The following DGAT2 variants were observed in gnomAD, a reference collection of about 807,000 sequenced individuals.
The protein encoded by DGAT2 is acyl-CoA retinol O-fatty-acyltransferase.
Under a neutral mutation model 48.4 loss-of-function variants are expected in DGAT2, and 33 were observed. The observed-to-expected ratio is 0.68, with a 90% CI of 0.52 to 0.91. The LOEUF is 0.91. Ranked by LOEUF, DGAT2 falls within the 40% of genes least tolerant of loss-of-function variation. The probability of loss-of-function intolerance (pLI) is 0.00; values close to 1 mark genes in which losing one functional copy is unlikely to be tolerated. For missense variants in DGAT2, 446 were observed against 493.7 expected, an observed-to-expected ratio of 0.90 and a Z score of 0.92; for synonymous variants, 191 against 194.1, an observed-to-expected ratio of 0.98 and a Z score of 0.13.
At position 75,768,779 on chromosome 11, in the gene DGAT2, C is replaced by T. The variant is rs953484490; in HGVS notation, c.-213C>T. ...AGTGTTGCGCTCCGGGACGCCAGCG[C>T]CGCGGCTGCCGCCTCTGCTGGGGTC... On this transcript the variant is annotated 5_prime_UTR_variant, in exon 1 of 8. Transcript: ENST00000228027. 4 of 487,442 alleles carry T rather than the reference C, an allele frequency of 8.2e-6. No individual in the cohort carries two copies. The highest frequency in any genetic ancestry group is 4.5e-5 in the Admixed American group (1 of 22,410). 30.2% of individuals were successfully genotyped at this position (487,442 alleles called of 1,614,324 possible).
At position 75,800,854 on chromosome 11, in the gene DGAT2, C is replaced by T. The variant is rs1945105948; in HGVS notation, c.*346C>T. ...ACCAGTTAGATGATTCACTTTTTGCCCCTAGGGATGAGAGGCGAAAGCCAC... is the reference window on the plus strand; with the variant it reads ...ACCAGTTAGATGATTCACTTTTTGCTCCTAGGGATGAGAGGCGAAAGCCAC... On this transcript the variant is annotated 3_prime_UTR_variant, in exon 8 of 8. Transcript: ENST00000228027. 3 of 243,512 alleles carry T rather than the reference C, an allele frequency of 1.2e-5. No homozygotes were observed. The highest frequency in any genetic ancestry group is 1.6e-5 in the Non-Finnish European group (2 of 124,138). 15.1% of individuals were successfully genotyped at this position (243,512 alleles called of 1,614,324 possible).
At chr11:75,772,204 G>T (rs990839550) in intron 1 of DGAT2, among the ~76,000 whole-genome samples, 1 of 152,156 alleles carries the variant, frequency 6.6e-6, no homozygotes, top group Non-Finnish European at 1.5e-5. Flanking sequence ...TTTTGAGGAA[G>T]CTCCCCAAGC....
chr11:75,779,512 C>T lies in DGAT2; in HGVS notation c.122-5106C>T, dbSNP rs558034834. Among the ~76,000 whole-genome samples, 4 of 152,298 alleles carry T rather than the reference C, an allele frequency of 2.6e-5. No homozygotes were observed. In the South Asian group the frequency reaches 6.2e-4, roughly 24 times the overall value. On this transcript the variant is annotated intron_variant, in intron 1 of 7. Transcript: ENST00000228027. ...GCCAGTTCTCCCCTTGCCTACCTTCCCAGAGAGTGCTGTGGGACGGTGAAG... is the reference window on the plus strand; with the variant it reads ...GCCAGTTCTCCCCTTGCCTACCTTCTCAGAGAGTGCTGTGGGACGGTGAAG...
rs1466555826 is a variant in DGAT2 at position 75,778,660 on chromosome 11, C to T, written c.122-5958C>T. Among the ~76,000 whole-genome samples, 8 of 151,984 alleles carry T rather than the reference C, an allele frequency of 5.3e-5. No homozygotes were observed. In the South Asian group the frequency reaches 1.7e-3, roughly 32 times the overall value. The stretch of plus-strand genomic sequence containing the variant: ...CCATCCTGGCTAACATGGTGAAACC[C>T]CATCTCTACCAAAAATACAAATAAT... On this transcript the variant is annotated intron_variant, in intron 1 of 7. Coordinates refer to ENST00000228027, the MANE Select transcript of DGAT2 (RefSeq NM_032564.5).
chr11:75,795,057 C>T (rs1414698551), intron 4 of DGAT2: 1 of 151,602 alleles, frequency 6.6e-6, no homozygotes, highest in Non-Finnish European at 1.5e-5. Flanking sequence ...TTTCTTCTCA[C>T]TCTGTCACTC....
intron 1 of DGAT2, among the ~76,000 whole-genome samples, chr11:75,772,190 A>T (rs1048634761): frequency 6.6e-5 from 10 of 152,142 alleles, no homozygotes; most frequent in African/African-American, 9.7e-5. Flanking sequence ...TCCCTTCTCA[A>T]ACTTTTTGAG....
chr11:75,786,214 C>T (rs1028563603), intron 2 of DGAT2, among the ~76,000 whole-genome samples: 5 of 152,214 alleles, frequency 3.3e-5, no homozygotes, highest in Non-Finnish European at 7.3e-5. Context: ...ACTCAGACCC[C>T]TAACATGGCT....
At chr11:75,775,239 G>T (rs144389318) in intron 1 of DGAT2, among the ~76,000 whole-genome samples, 36 of 152,308 alleles carry the variant, frequency 2.4e-4, no homozygotes, top group Non-Finnish European at 3.4e-4. Flanking sequence ...GAGAGGGGAG[G>T]AAGAGGCTTA....
At chr11:75,773,907 A>C (rs942946257) in intron 1 of DGAT2, 1 of 152,324 alleles carries the variant, frequency 6.6e-6, no homozygotes, top group African/African-American at 2.4e-5. Flanking sequence ...ATGAATAGAC[A>C]TCAGCAAGAC....
chr11:75,776,631 T>G (rs1196831271), intron 1 of DGAT2: 1 of 152,226 alleles, frequency 6.6e-6, no homozygotes, highest in Non-Finnish European at 1.5e-5. Flanking sequence ...AGTCTCTGGC[T>G]GAGCACATGG....
At chr11:75,799,474 A>G (rs1945089184) in intron 7 of DGAT2, among the ~76,000 whole-genome samples, 1 of 152,142 alleles carries the variant, frequency 6.6e-6, no homozygotes, top group Non-Finnish European at 1.5e-5. Context: ...ATGATTTGGG[A>G]AAAATTTCAG....
intron 2 of DGAT2, among the ~76,000 whole-genome samples, chr11:75,789,700 C>G (rs1472177051): frequency 6.6e-6 from 1 of 152,152 alleles, no homozygotes; most frequent in African/African-American, 2.4e-5. Context: ...CAAGTTATCT[C>G]CCCCTTGAGC....
rs541510546 is a variant in DGAT2, at chr11:75,782,298, TA to T, written c.122-2317del. On this transcript the variant is annotated intron_variant, in intron 1 of 7. Transcript: ENST00000228027. ...TGTTAAAATGCAGATTTTGATTCAG[TA>T]AATCCAGTCTGGAGCCCAAAGTCCT... Among the ~76,000 whole-genome samples, 516 of 152,350 alleles carry T rather than the reference TA, an allele frequency of 3.4e-3. 3 individuals carry two copies. The highest frequency in any genetic ancestry group is 0.012 in the African/African-American group (490 of 41,582).
At chr11:75,777,237 C>G (rs1944811784) in intron 1 of DGAT2, among the ~76,000 whole-genome samples, 1 of 151,384 alleles carries the variant, frequency 6.6e-6, no homozygotes, top group South Asian at 2.1e-4. Context: ...GACATTCTGG[C>G]CCTTTTCCCT....
rs554935679 is a variant in DGAT2 at position 75,774,321 on chromosome 11, C to T, written c.121+5209C>T. Among the ~76,000 whole-genome samples, 16 of 152,356 alleles carry T rather than the reference C, an allele frequency of 1.1e-4. No homozygotes were observed. The Middle Eastern group carries it at 0.01, about 97-fold the overall frequency. ...CAGCAAGCCACTACCCTTCCTTACC[C>T]TCAGTCTCCTCATCTATGAAATGAG... On this transcript the variant is annotated intron_variant, in intron 1 of 7. Coordinates refer to ENST00000228027, the MANE Select transcript of DGAT2 (RefSeq NM_032564.5).
intron 1 of DGAT2, among the ~76,000 whole-genome samples, chr11:75,771,723 C>T (rs1565312320): frequency 6.6e-6 from 1 of 152,130 alleles, no homozygotes; most frequent in Non-Finnish European, 1.5e-5. Context: ...TTCCGTGTGG[C>T]TTCCCCCCTC....
chr11:75,779,598 C>G (rs1215516028), intron 1 of DGAT2, among the ~76,000 whole-genome samples: 1 of 152,080 alleles, frequency 6.6e-6, no homozygotes, highest in Non-Finnish European at 1.5e-5. Context: ...TGCTCTGGGC[C>G]TCTCTGGCAG....
chr11:75,784,187 A>T (rs1944896853), intron 1 of DGAT2, among the ~76,000 whole-genome samples: 1 of 152,144 alleles, frequency 6.6e-6, no homozygotes, highest in South Asian at 2.1e-4. Context: ...TGCAAATTGG[A>T]TGTTGAACCT....
intron 4 of DGAT2, among the ~76,000 whole-genome samples, chr11:75,791,473 G>A (rs1411292390): frequency 6.6e-6 from 1 of 152,142 alleles, no homozygotes; most frequent in Non-Finnish European, 1.5e-5. Flanking sequence ...AGCTGTTTTT[G>A]TTGGGAGAAA....
Sources: allele counts gnomAD v4.1 joint callset (sites outside exome capture counted in the v4.1 genomes callset), GRCh38; gene constraint gnomAD v4.1.1; transcripts MANE v1.5; gene names NCBI Gene and HGNC (gene_info 2026-07-23, HGNC 2026-07-21).